Variants in TSHZ2 observed in about 807,000 individuals in gnomAD.
TSHZ2 encodes the protein teashirt zinc finger homeobox 2, also known as teashirt homolog 2.
Under a neutral mutation model 74.4 loss-of-function variants are expected in TSHZ2, and 21 were observed. The ratio of observed to expected loss-of-function variants is 0.28; its 90% confidence interval spans 0.20 to 0.41. The LOEUF is 0.41. Ranked by LOEUF, TSHZ2 falls within the 10% of genes least tolerant of loss-of-function variation. The pLI is 1.00. For missense variants in TSHZ2, 1,244 were observed against 1,293.5 expected (o/e 0.96, Z 0.59); for synonymous variants, 540 against 515.3 (o/e 1.05, Z -0.65).
chr20:53,471,908 C>A lies in TSHZ2; in HGVS notation c.*9-15236C>A, dbSNP rs543957925. 2.0e-5 allele frequency among the ~76,000 whole-genome samples: 3 copies of A among 150,290 alleles called. No individual in the cohort carries two copies. The South Asian group carries it at 6.3e-4, about 32-fold the overall frequency. On this transcript the variant is annotated intron_variant, in intron 2 of 2. Coordinates refer to ENST00000371497, the MANE Select transcript of TSHZ2 (RefSeq NM_173485.6). ...TACGACCTCCATCTCCCAGTTCAAG[C>A]GATTCTCCTGCCTCAGCCTCCCGAG...
intron 2 of TSHZ2, among the ~76,000 whole-genome samples, chr20:53,446,857 G>C (rs899544269): frequency 6.6e-6 from 1 of 152,134 alleles, no homozygotes; most frequent in Non-Finnish European, 1.5e-5. Flanking sequence ...TTCCATTCAG[G>C]AAGACTTCTA....
Position 53,253,859 on chromosome 20 carries a change from C to G in TSHZ2, c.401C>G (p.Ser134Trp), listed in dbSNP as rs781190158. The change falls in exon 2 of 3, where the codon TCG (serine) becomes TGG (tryptophan). Residue 134 changes from serine (S) to tryptophan (W), a missense_variant. Coordinates refer to ENST00000371497, the MANE Select transcript of TSHZ2 (RefSeq NM_173485.6). ...KMTAVYANILSDSYWSGLGLG... is the reference protein window; with the variant it reads ...KMTAVYANILWDSYWSGLGLG... ...ACCGCTGTCTACGCCAACATCCTGT[C>G]GGATTCCTACTGGTCAGGCCTGGGC... The G allele has an allele frequency of 6.2e-7, 1 of 1,614,176 alleles. No individual in the cohort carries two copies. The highest frequency in any genetic ancestry group is 1.1e-5 in the South Asian group (1 of 91,058).
intron 1 of TSHZ2, among the ~76,000 whole-genome samples, chr20:53,038,314 C>G (rs944419996): frequency 6.7e-6 from 1 of 148,840 alleles, no homozygotes; most frequent in Non-Finnish European, 1.5e-5. Context: ...CATCAATAAG[C>G]CTTTGGGTTT....
At chr20:53,386,992 C>T (rs541698273) in intron 2 of TSHZ2, among the ~76,000 whole-genome samples, 181 of 152,090 alleles carry the variant, frequency 1.2e-3, no homozygotes, top group African/African-American at 2.9e-3. Context: ...GTGAATAGCC[C>T]GTGGTGTACC....
At chr20:53,240,776 GTT>G (rs1050972586) in intron 1 of TSHZ2, among the ~76,000 whole-genome samples, 2 of 116,684 alleles carry the variant, frequency 1.7e-5, no homozygotes, top group African/African-American at 6.2e-5. Context: ...GATAGATATG[GTT>G]TTTTAGGGGA....
chr20:53,281,842 G>A (rs1474556224), intron 2 of TSHZ2, among the ~76,000 whole-genome samples: 3 of 152,140 alleles, frequency 2.0e-5, no homozygotes, highest in Non-Finnish European at 4.4e-5. Flanking sequence ...GGCTACCTTG[G>A]CTAATGACTG....
At chr20:53,307,072 G>A (rs952205656) in intron 2 of TSHZ2, among the ~76,000 whole-genome samples, 14 of 152,092 alleles carry the variant, frequency 9.2e-5, no homozygotes, top group African/African-American at 2.2e-4. Context: ...AGCCAGAGAC[G>A]TCTCAGGCAA....
At chr20:53,120,675 T>A (rs1181113282) in intron 1 of TSHZ2, among the ~76,000 whole-genome samples, 1 of 152,210 alleles carries the variant, frequency 6.6e-6, no homozygotes, top group Non-Finnish European at 1.5e-5. Flanking sequence ...TTTGTAATAC[T>A]GCTACTATTA....
intron 1 of TSHZ2, among the ~76,000 whole-genome samples, chr20:53,003,175 T>G (rs1982501543): frequency 6.6e-6 from 1 of 152,086 alleles, no homozygotes; most frequent in Non-Finnish European, 1.5e-5. Flanking sequence ...GGTACTGTCC[T>G]TCATTGTGGG....
intron 1 of TSHZ2, 70 bp downstream of exon 1, chr20:52,973,403 G>A (rs1981204443): frequency 3.9e-6 from 6 of 1,537,870 alleles, no homozygotes; most frequent in Non-Finnish European, 5.3e-6. Flanking sequence ...CTTGCCCCTG[G>A]GTGCCCGGGG....
At chr20:53,117,393 G>T (rs935717244) in intron 1 of TSHZ2, among the ~76,000 whole-genome samples, 1 of 152,180 alleles carries the variant, frequency 6.6e-6, no homozygotes, top group East Asian at 1.9e-4. Context: ...AAGGTATCAG[G>T]CTCTGTTCTA....
chr20:53,104,042 T>C, intron 1 of TSHZ2, among the ~76,000 whole-genome samples: 1 of 152,212 alleles, frequency 6.6e-6, no homozygotes. Flanking sequence ...GAAAGGTTGC[T>C]GGCAATTTGC....
chr20:52,975,417 G>C (rs973687218), intron 1 of TSHZ2, among the ~76,000 whole-genome samples: 1 of 152,032 alleles, frequency 6.6e-6, no homozygotes, highest in Non-Finnish European at 1.5e-5. Flanking sequence ...TAAGGATCCA[G>C]GTGTACGTAA....
At chr20:53,380,161 T>TGCGC (rs1420669096) in intron 2 of TSHZ2, among the ~76,000 whole-genome samples, 2 of 145,528 alleles carry the variant, frequency 1.4e-5, no homozygotes, top group Non-Finnish European at 3.0e-5. Context: ...TGTGTGTGTG[T>TGCGC]GTGCACACGC....
At chr20:53,451,204 C>T (rs190960607) in intron 2 of TSHZ2, among the ~76,000 whole-genome samples, 105 of 152,226 alleles carry the variant, frequency 6.9e-4, no homozygotes, top group Admixed American at 2.2e-3. Flanking sequence ...TTCTGTAGGA[C>T]GAAATAATGT....
chr20:52,997,400 T>C (rs1450439926), intron 1 of TSHZ2, among the ~76,000 whole-genome samples: 1 of 152,124 alleles, frequency 6.6e-6, no homozygotes, highest in Non-Finnish European at 1.5e-5. Context: ...TGCTCGGACA[T>C]CAACAGCAAC....
intron 1 of TSHZ2, among the ~76,000 whole-genome samples, chr20:53,029,257 A>G (rs1409866295): frequency 6.6e-6 from 1 of 152,252 alleles, no homozygotes; most frequent in Non-Finnish European, 1.5e-5. Flanking sequence ...ATATCCCAAA[A>G]CAAGGTATTA....
intron 1 of TSHZ2, among the ~76,000 whole-genome samples, chr20:53,222,927 T>C (rs1404507846): frequency 6.6e-6 from 1 of 152,240 alleles, no homozygotes; most frequent in African/African-American, 2.4e-5. Context: ...AGAGTTGCAT[T>C]GTCCAGAAAA....
At chr20:53,259,712 T>C (rs543684130) in intron 2 of TSHZ2, among the ~76,000 whole-genome samples, 1 of 152,292 alleles carries the variant, frequency 6.6e-6, no homozygotes, top group South Asian at 2.1e-4. Context: ...CCAGACAAAA[T>C]ACAGAACGGA....
Sources: gnomAD v4.1 joint callset for allele counts (sites outside exome capture counted in the v4.1 genomes callset) on GRCh38, gnomAD v4.1.1 for gene constraint, MANE v1.5 for transcripts, NCBI Gene and HGNC (gene_info 2026-07-23, HGNC 2026-07-21) for gene names.